CSMD1: variants seen among roughly 807,000 people sequenced by gnomAD.
CSMD1 encodes the protein CUB and sushi domain-containing protein 1.
In CSMD1, 213 loss-of-function variants were observed where a neutral mutation model predicts 417.5. That is an observed-to-expected ratio of 0.51 (90% CI 0.46 to 0.57). The LOEUF is 0.57. CSMD1 is among the 20% of genes least tolerant of loss of function. The pLI is 0.00. For synonymous variants in CSMD1, 2,862 were observed against 1,736.8 expected, an observed-to-expected ratio of 1.65 and a Z score of -16.11; for missense variants, 6,923 against 4,529.7, an observed-to-expected ratio of 1.53 and a Z score of -15.17.
intron 61 of CSMD1, 120 bp from the exon 62 acceptor site, chr8:2,961,334 G>A: frequency 2.1e-6 from 1 of 475,324 alleles, no homozygotes; most frequent in Admixed American, 3.9e-5. Flanking sequence ...AAATGTGCAA[G>A]ATGTTTTTCA....
At chr8:3,709,693 T>TTTTTTTTTTTTTTTTTTTTTTTTTTG (rs1801393501) in intron 6 of CSMD1, among the ~76,000 whole-genome samples, 1 of 121,064 alleles carries the variant, frequency 8.3e-6, no homozygotes, top group Non-Finnish European at 1.8e-5. Context: ...TTTTTTTTTT[T>TTTTTTTTTTTTTTTTTTTTTTTTTTG]TTTTTTTTTT....
At chr8:3,556,414 T>TATATATATATATATA (rs1349911850) in intron 10 of CSMD1, among the ~76,000 whole-genome samples, 61 of 141,960 alleles carry the variant, frequency 4.3e-4, no homozygotes, top group South Asian at 8.9e-4. Flanking sequence ...TATATATATA[T>TATATATATATATATA]TCACACACAC....
rs150713388 is a variant in CSMD1, at chr8:2,965,795, G to C, written c.9260C>G (p.Pro3087Arg). The change falls in exon 59 of 70, where the codon CCG becomes CGG. Residue 3087 changes from proline (P) to arginine (R), a missense_variant. Pro to Arg is a moderately radical substitution (Grantham distance 103). Coordinates refer to ENST00000635120, the MANE Select transcript of CSMD1 (RefSeq NM_033225.6). ...IRCTKDGRWNPSKPVCKAVLC... is the reference protein window; with the variant it reads ...IRCTKDGRWNRSKPVCKAVLC... ...CAAACCTTTGCAGACAGGTTTGCTC[G>C]GATTCCACCTGCCGTCTTTGGTACA... 6.2e-7 allele frequency: 1 copy of C among 1,608,054 alleles called. No individual in the cohort carries two copies. Among genetic ancestry groups the C allele is most frequent in the South Asian group, 1.1e-5 (1 of 89,466 alleles).
At chr8:3,230,648 G>C (rs1798782535) in intron 26 of CSMD1, among the ~76,000 whole-genome samples, 1 of 152,042 alleles carries the variant, frequency 6.6e-6, no homozygotes, top group African/African-American at 2.4e-5. Context: ...TTTCCTTAAG[G>C]TCTGTGCCTT....
rs1374018525 is a variant in CSMD1 at position 3,929,694 on chromosome 8, C to T, written c.818+68209G>A. On this transcript the variant is annotated intron_variant, in intron 5 of 69. Coordinates refer to ENST00000635120, the MANE Select transcript of CSMD1 (RefSeq NM_033225.6). ...TTTTTTTTTTTGAGATGGAGTTTCA[C>T]TCTGTCTCCCAGGCTGGAGTGCATT... Among the ~76,000 whole-genome samples the T allele has an allele frequency of 1.3e-5, 2 of 148,886 alleles. 1 individual carries two copies.
chr8:4,807,555 C>T (rs1226914933), intron 1 of CSMD1, among the ~76,000 whole-genome samples: 1 of 152,154 alleles, frequency 6.6e-6, no homozygotes, highest in Non-Finnish European at 1.5e-5. Context: ...GTTCATTGTT[C>T]CGTGGGCCTG....
chr8:3,922,446 A>T (rs1206121246), intron 5 of CSMD1, among the ~76,000 whole-genome samples: 2 of 152,040 alleles, frequency 1.3e-5, no homozygotes, highest in Non-Finnish European at 2.9e-5. Context: ...CATCATTAAT[A>T]TATTCTGTTC....
chr8:3,786,568 G>C (rs749087816), intron 5 of CSMD1, among the ~76,000 whole-genome samples: 2 of 152,100 alleles, frequency 1.3e-5, no homozygotes, highest in Non-Finnish European at 1.5e-5. Context: ...ACTTTACAAC[G>C]GCCTAGGATG....
rs57394373 is a variant in CSMD1 at position 4,130,481 on chromosome 8, A to T, written c.416-98382T>A. ...GCCAATTGCTGAAGCTTTTGAGTGT[A>T]CCCTGAGGCGAGTTGATTTGATTCT... is the stretch of plus-strand genomic sequence containing the variant. On this transcript the variant is annotated intron_variant, in intron 3 of 69. Transcript: ENST00000635120. Among the ~76,000 whole-genome samples the T allele has an allele frequency of 3.0e-4, 45 of 152,212 alleles. No homozygotes were observed. The East Asian group carries it at 8.5e-3, about 29-fold the overall frequency.
chr8:4,223,351 C>T (rs58802668), intron 3 of CSMD1, among the ~76,000 whole-genome samples: 11 of 152,270 alleles, frequency 7.2e-5, no homozygotes, highest in African/African-American at 2.4e-4. Flanking sequence ...ACAATTTAAA[C>T]TCCTACCTGT....
chr8:4,493,460 C>T (rs569700994), intron 2 of CSMD1, among the ~76,000 whole-genome samples: 289 of 152,200 alleles, frequency 1.9e-3, no homozygotes, highest in African/African-American at 6.7e-3. Flanking sequence ...CTTTGGGAGG[C>T]TGAGGCAAGA....
chr8:3,495,130 G>A (rs535300288), intron 10 of CSMD1, among the ~76,000 whole-genome samples: 2 of 152,162 alleles, frequency 1.3e-5, no homozygotes, highest in African/African-American at 2.4e-5. Flanking sequence ...TTTGAAATAG[G>A]TGTCGAGGTT....
chr8:4,782,950 C>G (rs949458488), intron 1 of CSMD1, among the ~76,000 whole-genome samples: 2 of 127,850 alleles, frequency 1.6e-5, no homozygotes, highest in Admixed American at 7.9e-5. Context: ...TAAAGACACT[C>G]AAAAAAAAAA....
At chr8:4,854,453 T>A (rs919557853) in intron 1 of CSMD1, among the ~76,000 whole-genome samples, 1 of 152,154 alleles carries the variant, frequency 6.6e-6, no homozygotes, top group South Asian at 2.1e-4. Flanking sequence ...CAGCTCCCAC[T>A]GTGAGCGACG....
chr8:4,316,144 A>G (rs1225727177), intron 3 of CSMD1, among the ~76,000 whole-genome samples: 2 of 152,228 alleles, frequency 1.3e-5, no homozygotes, highest in South Asian at 4.1e-4. Context: ...ACCTTCAACA[A>G]TCCAAATACT....
chr8:3,785,132 G>T (rs1799384124), intron 5 of CSMD1, among the ~76,000 whole-genome samples: 1 of 152,098 alleles, frequency 6.6e-6, no homozygotes, highest in African/African-American at 2.4e-5. Context: ...TGTGATGTTG[G>T]GTAAGTTCTT....
chr8:4,027,972 A>G (rs187207721), intron 4 of CSMD1, among the ~76,000 whole-genome samples: 6 of 152,338 alleles, frequency 3.9e-5, no homozygotes, highest in Admixed American at 3.9e-4. Context: ...AGGATGCCCA[A>G]TGGCACTCTC....
intron 3 of CSMD1, among the ~76,000 whole-genome samples, chr8:4,292,438 C>G (rs998031696): frequency 1.3e-5 from 2 of 151,942 alleles, no homozygotes; most frequent in Non-Finnish European, 2.9e-5. Flanking sequence ...GTTTTTAATA[C>G]AGACGGAATT....
intron 3 of CSMD1, among the ~76,000 whole-genome samples, chr8:4,156,692 G>A (rs568350343): frequency 6.6e-6 from 1 of 152,088 alleles, no homozygotes; most frequent in African/African-American, 2.4e-5. Context: ...TGTACTGTCA[G>A]GGGCCCAAGA....
Sources: allele counts gnomAD v4.1 joint callset (sites outside exome capture counted in the v4.1 genomes callset), GRCh38; gene constraint gnomAD v4.1.1; transcripts MANE v1.5; gene names NCBI Gene and HGNC (gene_info 2026-07-23, HGNC 2026-07-21).